The following CHP1 variants were observed in gnomAD, a reference collection of about 807,000 sequenced individuals.
CHP1 encodes the protein calcineurin B homologous protein 1.
CHP1 carries 11 observed loss-of-function variants against 27.4 expected under a neutral mutation model. That is an observed-to-expected ratio of 0.40 (90% CI 0.25 to 0.67). The LOEUF (loss-of-function observed/expected upper bound fraction) is 0.67. Ranked by LOEUF, CHP1 falls within the 30% of genes least tolerant of loss-of-function variation. The probability of loss-of-function intolerance (pLI) is 0.38; values close to 1 mark genes in which losing one functional copy is unlikely to be tolerated. For missense variants in CHP1, 169 were observed against 251.3 expected, an observed-to-expected ratio of 0.67 and a Z score of 2.22; for synonymous variants, 89 against 87.4, an observed-to-expected ratio of 1.02 and a Z score of -0.10.
chr15:41,246,777 C>T (rs1221439178), intron 2 of CHP1, among the ~76,000 whole-genome samples: 1 of 150,438 alleles, frequency 6.6e-6, no homozygotes, highest in Admixed American at 6.6e-5. Context: ...TGGTGGCAGG[C>T]GCCTGTAGTC....
intron 3 of CHP1, among the ~76,000 whole-genome samples, chr15:41,261,662 TC>T (rs1004068365): frequency 6.6e-6 from 1 of 151,726 alleles, no homozygotes; most frequent in African/African-American, 2.4e-5. Flanking sequence ...ATTGAGACGA[TC>T]CTAGCTAACA....
chr15:41,253,774 C>G (rs948243743), intron 2 of CHP1, among the ~76,000 whole-genome samples: 1 of 151,346 alleles, frequency 6.6e-6, no homozygotes, highest in African/African-American at 2.4e-5. Flanking sequence ...TTTTTATACT[C>G]TTTCTGTTTG....
intron 1 of CHP1, among the ~76,000 whole-genome samples, chr15:41,237,673 A>T (rs934645005): frequency 1.3e-5 from 2 of 152,178 alleles, no homozygotes; most frequent in African/African-American, 4.8e-5. Context: ...TACATAGGTT[A>T]TCAGTCTGTT....
At chr15:41,245,766 C>T (rs1289579326) in intron 2 of CHP1, among the ~76,000 whole-genome samples, 2 of 152,188 alleles carry the variant, frequency 1.3e-5, no homozygotes, top group Non-Finnish European at 2.9e-5. Flanking sequence ...TCTTTTCACT[C>T]TCTTTGTAGT....
At chr15:41,236,663 T>A (rs1367111064) in intron 1 of CHP1, among the ~76,000 whole-genome samples, 1 of 152,174 alleles carries the variant, frequency 6.6e-6, no homozygotes, top group Non-Finnish European at 1.5e-5. Context: ...TGCGAAGATA[T>A]AAGCTTTATT....
At chr15:41,274,137 T>G (rs2047506932) in intron 5 of CHP1, among the ~76,000 whole-genome samples, 1 of 151,832 alleles carries the variant, frequency 6.6e-6, no homozygotes, top group South Asian at 2.1e-4. Context: ...ATTTTTGTAT[T>G]TTTAGTAGAG....
At chr15:41,270,753 A>G (rs2047484552) in intron 5 of CHP1, 135 bp downstream of exon 5, 1 of 670,284 alleles carries the variant, frequency 1.5e-6, no homozygotes, top group Admixed American at 2.7e-5. Flanking sequence ...TTATAAGACA[A>G]AGGAGATGAC....
intron 3 of CHP1, among the ~76,000 whole-genome samples, chr15:41,259,891 C>T (rs2047423552): frequency 6.6e-6 from 1 of 152,270 alleles, no homozygotes. Flanking sequence ...GTAGCTGGGA[C>T]TACAGGCTCA....
At position 41,231,395 on chromosome 15, in the gene CHP1, GC is replaced by G; in HGVS notation, c.15del (p.Ser6ProfsTer73). On this transcript the variant is annotated frameshift_variant, in exon 1 of 7. Coordinates refer to ENST00000334660, the MANE Select transcript of CHP1 (RefSeq NM_007236.5). LOFTEE classifies it high-confidence loss of function. MGSRASTLLRDEELE... is the reference protein window; with the variant it reads MGSRXSTLLRDEELE... ...TCCCGGCACGGCGATGGGTTCTCGGGCCTCCACGTTACTGCGGGACGAAGAG... is the reference window on the plus strand; with the variant it reads ...TCCCGGCACGGCGATGGGTTCTCGGGCTCCACGTTACTGCGGGACGAAGAG... 6.2e-7 allele frequency: 1 copy of G among 1,602,294 alleles called. No homozygotes were observed. The highest frequency in any genetic ancestry group is 8.5e-7 in the Non-Finnish European group (1 of 1,175,624).
intron 5 of CHP1, among the ~76,000 whole-genome samples, chr15:41,271,060 C>T (rs1333521206): frequency 6.6e-6 from 1 of 152,020 alleles, no homozygotes; most frequent in African/African-American, 2.4e-5. Context: ...TCGAGACCAT[C>T]CTGGCTAACA....
intron 3 of CHP1, among the ~76,000 whole-genome samples, chr15:41,257,234 A>G (rs1455367043): frequency 6.6e-6 from 1 of 152,234 alleles, no homozygotes; most frequent in African/African-American, 2.4e-5. Flanking sequence ...ATGTAAAACT[A>G]GACTTTTAAA....
chr15:41,278,202 A>G (rs943300529), intron 5 of CHP1, among the ~76,000 whole-genome samples: 1 of 151,690 alleles, frequency 6.6e-6, no homozygotes, highest in Non-Finnish European at 1.5e-5. Context: ...GCACGGTGGC[A>G]GGCGCCTGTA....
At chr15:41,243,781 A>AC in intron 2 of CHP1, 42 bp downstream of exon 2, 1 of 1,570,764 alleles carries the variant, frequency 6.4e-7, no homozygotes, top group Non-Finnish European at 8.7e-7. Context: ...GAAACCAGAA[A>AC]CCCTCTGGCA....
chr15:41,240,172 A>ATTTTTT (rs1274040023), intron 1 of CHP1, among the ~76,000 whole-genome samples: 1 of 151,862 alleles, frequency 6.6e-6, no homozygotes, highest in Non-Finnish European at 1.5e-5. Context: ...AAATAATTTT[A>ATTTTTT]TTTTTTATTT....
intron 5 of CHP1, among the ~76,000 whole-genome samples, chr15:41,276,254 AG>A (rs2047519382): frequency 6.6e-6 from 1 of 151,662 alleles, no homozygotes; most frequent in Admixed American, 6.6e-5. Context: ...AAAAAAAAAA[AG>A]AATCTATTTC....
intron 2 of CHP1, among the ~76,000 whole-genome samples, chr15:41,247,894 G>C (rs990352649): frequency 6.6e-6 from 1 of 151,550 alleles, no homozygotes; most frequent in African/African-American, 2.4e-5. Context: ...GTGTGAACCC[G>C]GGAGGCGGAG....
intron 4 of CHP1, among the ~76,000 whole-genome samples, chr15:41,264,983 A>G (rs1240097915): frequency 6.6e-6 from 1 of 152,176 alleles, no homozygotes; most frequent in Non-Finnish European, 1.5e-5. Flanking sequence ...AAGCTGTAGC[A>G]TGGTGCCTCT....
intron 1 of CHP1, among the ~76,000 whole-genome samples, chr15:41,236,002 T>C (rs2047274961): frequency 6.6e-6 from 1 of 152,162 alleles, no homozygotes; most frequent in African/African-American, 2.4e-5. Context: ...AGTTTTATTC[T>C]CATTTGTTGC....
At position 41,270,626 on chromosome 15, in the gene CHP1, G is replaced by C. The variant is rs2047483956; in HGVS notation, c.411+8G>C. On this transcript the variant is annotated splice_region_variant and intron_variant, in intron 5 of 6. Coordinates refer to ENST00000334660, the MANE Select transcript of CHP1 (RefSeq NM_007236.5). Reference sequence around the variant, plus strand: ...CGTGATGAGCTGTTACAGGTATGTGGAGAGCTCCTCGAGAACTTGTGCTTG... The same window carrying C: ...CGTGATGAGCTGTTACAGGTATGTGCAGAGCTCCTCGAGAACTTGTGCTTG... 6.2e-7 allele frequency: 1 copy of C among 1,609,906 alleles called. No individual in the cohort carries two copies.
Sources: allele counts gnomAD v4.1 joint callset (sites outside exome capture counted in the v4.1 genomes callset), GRCh38; gene constraint gnomAD v4.1.1; transcripts MANE v1.5; gene names NCBI Gene and HGNC (gene_info 2026-07-23, HGNC 2026-07-21).